SPAG16: variants seen among roughly 807,000 people sequenced by gnomAD.
The protein encoded by SPAG16 is sperm-associated antigen 16 protein.
SPAG16 carries 86 observed loss-of-function variants against 80.4 expected under a neutral mutation model. That is an observed-to-expected ratio of 1.07 (90% CI 0.90 to 1.28). The LOEUF is 1.28. Among genes scored for constraint, SPAG16 ranks in the 50% most tolerant of loss-of-function variants. The probability of loss-of-function intolerance (pLI) is 0.00; values close to 1 mark genes in which losing one functional copy is unlikely to be tolerated. For missense variants in SPAG16, 870 were observed against 765.3 expected (o/e 1.14, Z -1.61); for synonymous variants, 294 against 265.9 (o/e 1.11, Z -1.03).
chr2:213,759,347 A>AT (rs2068520199), intron 10 of SPAG16, among the ~76,000 whole-genome samples: 1 of 152,120 alleles, frequency 6.6e-6, no homozygotes, highest in Admixed American at 6.5e-5. Context: ...ATATATTTAA[A>AT]TTTGTATAAA....
At chr2:213,838,940 A>G (rs974901301) in intron 10 of SPAG16, among the ~76,000 whole-genome samples, 1 of 152,208 alleles carries the variant, frequency 6.6e-6, no homozygotes, top group African/African-American at 2.4e-5. Flanking sequence ...GTAGAAGCTC[A>G]GTCCAAACCA....
chr2:213,331,795 A>C (rs543388821), intron 5 of SPAG16, among the ~76,000 whole-genome samples: 2 of 152,354 alleles, frequency 1.3e-5, no homozygotes, highest in South Asian at 4.1e-4. Context: ...GGATCAGTGA[A>C]GGAATTAAGA....
chr2:214,404,475 A>G (rs909444361), intron 15 of SPAG16, among the ~76,000 whole-genome samples: 2 of 152,182 alleles, frequency 1.3e-5, no homozygotes, highest in East Asian at 1.9e-4. Context: ...TATTTGTGGT[A>G]TTTTAGGATG....
chr2:214,051,499 C>T (rs886335670), intron 13 of SPAG16, among the ~76,000 whole-genome samples: 1 of 152,136 alleles, frequency 6.6e-6, no homozygotes, highest in African/African-American at 2.4e-5. Flanking sequence ...TTTTCCTCCC[C>T]ATCTTATTCA....
intron 15 of SPAG16, among the ~76,000 whole-genome samples, chr2:214,199,894 C>T (rs1345400284): frequency 6.6e-6 from 1 of 152,100 alleles, no homozygotes; most frequent in East Asian, 1.9e-4. Flanking sequence ...TGATTTGGGT[C>T]GCAGCTTGGT....
intron 10 of SPAG16, among the ~76,000 whole-genome samples, chr2:213,574,449 C>A (rs1235183571): frequency 6.6e-6 from 1 of 151,978 alleles, no homozygotes; most frequent in African/African-American, 2.4e-5. Context: ...GAGTTGTTGA[C>A]ATTTAAGGAG....
At chr2:213,924,981 A>G (rs531684913) in intron 11 of SPAG16, among the ~76,000 whole-genome samples, 4 of 150,274 alleles carry the variant, frequency 2.7e-5, no homozygotes, top group African/African-American at 9.8e-5. Flanking sequence ...TTTTTTTCTT[A>G]TACTGGTTTG....
intron 10 of SPAG16, among the ~76,000 whole-genome samples, chr2:213,500,680 C>T (rs16850428): frequency 0.059 from 9,052 of 152,222 alleles, 888 homozygotes; most frequent in African/African-American, 0.2. Flanking sequence ...GGACAGAGAA[C>T]GACCAATGTT....
intron 10 of SPAG16, among the ~76,000 whole-genome samples, chr2:213,662,181 A>C (rs2063451285): frequency 6.6e-6 from 1 of 152,092 alleles, no homozygotes; most frequent in South Asian, 2.1e-4. Flanking sequence ...GGGAGGGGAA[A>C]GGTTTGGAAA....
intron 9 of SPAG16, among the ~76,000 whole-genome samples, chr2:213,422,972 G>T (rs1018458678): frequency 6.6e-6 from 1 of 152,218 alleles, no homozygotes; most frequent in African/African-American, 2.4e-5. Context: ...TGACAGCAAG[G>T]CTGTCTTCTC....
intron 10 of SPAG16, among the ~76,000 whole-genome samples, chr2:213,841,214 G>A (rs908282173): frequency 6.6e-6 from 1 of 152,138 alleles, no homozygotes; most frequent in African/African-American, 2.4e-5. Flanking sequence ...TAAAAAAATA[G>A]TCATGAGCAT....
At chr2:213,297,863 A>G (rs1446541926) in intron 3 of SPAG16, among the ~76,000 whole-genome samples, 1 of 152,188 alleles carries the variant, frequency 6.6e-6, no homozygotes, top group Non-Finnish European at 1.5e-5. Flanking sequence ...GCATTCCTCT[A>G]AAATTGAAAA....
chr2:213,532,060 T>A (rs940196196), intron 10 of SPAG16, among the ~76,000 whole-genome samples: 6 of 152,218 alleles, frequency 3.9e-5, no homozygotes, highest in Non-Finnish European at 7.3e-5. Context: ...TCTAAAAGTA[T>A]ACCTATTTGA....
At chr2:213,836,261 TC>T (rs1443837942) in intron 10 of SPAG16, among the ~76,000 whole-genome samples, 2 of 151,138 alleles carry the variant, frequency 1.3e-5, no homozygotes, top group Non-Finnish European at 3.0e-5. Context: ...TAATTTTTTT[TC>T]CTTTAGAGGA....
chr2:213,941,979 A>G (rs2079215095), intron 12 of SPAG16, among the ~76,000 whole-genome samples: 2 of 152,176 alleles, frequency 1.3e-5, no homozygotes, highest in Admixed American at 6.5e-5. Flanking sequence ...TGTATATTCT[A>G]ATCACTCACT....
chr2:213,359,111 G>A (rs1311282403), intron 7 of SPAG16, among the ~76,000 whole-genome samples: 1 of 152,184 alleles, frequency 6.6e-6, no homozygotes, highest in African/African-American at 2.4e-5. Context: ...ATATTGCAGA[G>A]CAGCAAATAT....
chr2:213,451,472 A>C (rs187228483), intron 9 of SPAG16, among the ~76,000 whole-genome samples: 1 of 152,306 alleles, frequency 6.6e-6, no homozygotes, highest in Non-Finnish European at 1.5e-5. Context: ...ATATTCATAC[A>C]TGAACTCATA....
chr2:214,232,726 C>G (rs1234900473), intron 15 of SPAG16, among the ~76,000 whole-genome samples: 4 of 151,912 alleles, frequency 2.6e-5, no homozygotes, highest in Non-Finnish European at 5.9e-5. Context: ...AATGTATATT[C>G]AATGACTATA....
At chr2:213,708,939 T>C (rs1428202878) in intron 10 of SPAG16, among the ~76,000 whole-genome samples, 1 of 152,214 alleles carries the variant, frequency 6.6e-6, no homozygotes, top group Non-Finnish European at 1.5e-5. Context: ...TGATGTGATA[T>C]CTGTATATAT....
Sources: gnomAD v4.1 joint callset for allele counts (sites outside exome capture counted in the v4.1 genomes callset) on GRCh38, gnomAD v4.1.1 for gene constraint, MANE v1.5 for transcripts, NCBI Gene and HGNC (gene_info 2026-07-23, HGNC 2026-07-21) for gene names.